Variants in SETDB2 observed in about 807,000 individuals in gnomAD.
SETDB2 encodes the protein SET domain bifurcated histone lysine methyltransferase 2, also known as histone-lysine N-methyltransferase SETDB2.
In SETDB2, 56 loss-of-function variants were observed where a neutral mutation model predicts 82.5. That is an observed-to-expected ratio of 0.68 (90% CI 0.55 to 0.85). The LOEUF (loss-of-function observed/expected upper bound fraction) is 0.85, where lower values mean the gene tolerates loss of function less well. Among genes scored for constraint, SETDB2 ranks in the 40% least tolerant of loss-of-function variants. The pLI, the probability that SETDB2 is intolerant of heterozygous loss-of-function variation, is 0.00. For missense variants in SETDB2, 677 were observed against 816.4 expected, an observed-to-expected ratio of 0.83 and a Z score of 2.08; for synonymous variants, 272 against 284.9, an observed-to-expected ratio of 0.95 and a Z score of 0.46.
chr13:49,460,316 C>G (rs1190876039), intron 3 of SETDB2, 84 bp downstream of exon 3: 1 of 1,389,392 alleles, frequency 7.2e-7, no homozygotes, highest in African/African-American at 1.5e-5. Flanking sequence ...TCCAATATTG[C>G]TGTTTGTAAA....
At chr13:49,447,138 C>G (rs753827266) in intron 1 of SETDB2, among the ~76,000 whole-genome samples, 2 of 151,942 alleles carry the variant, frequency 1.3e-5, no homozygotes, top group Non-Finnish European at 2.9e-5. Flanking sequence ...GTTTGTTAAC[C>G]TATAATTTAT....
rs917176989 is a variant in SETDB2, at chr13:49,444,538, C to T, written c.-661C>T. 1 of 159,080 alleles carries T rather than the reference C, an allele frequency of 6.3e-6. No homozygotes were observed. Among genetic ancestry groups the T allele is most frequent in the East Asian group, 1.9e-4 (1 of 5,258 alleles). The allele number at this position is 159,080 out of a possible 1,614,324, so 9.9% of individuals were successfully genotyped here. On this transcript the variant is annotated 5_prime_UTR_variant, in exon 1 of 14. Coordinates refer to ENST00000611815, the MANE Select transcript of SETDB2 (RefSeq NM_001160308.3). ...AACCAAGGCACCGCCGTGGCTGGCC[C>T]CCGACAGTTCCTCTAGCCGGGAGGT...
chr13:49,473,575 T>G (rs1476133487), intron 5 of SETDB2, among the ~76,000 whole-genome samples: 1 of 145,104 alleles, frequency 6.9e-6, no homozygotes, highest in East Asian at 2.2e-4. Flanking sequence ...AAAAAAAAAT[T>G]CATAGGCAAA....
At chr13:49,477,934 T>C (rs1958403302) in intron 6 of SETDB2, among the ~76,000 whole-genome samples, 1 of 152,224 alleles carries the variant, frequency 6.6e-6, no homozygotes, top group Admixed American at 6.5e-5. Context: ...TTCTAATATA[T>C]TAAGACTTTG....
At chr13:49,450,108 C>G (rs886312867) in intron 1 of SETDB2, among the ~76,000 whole-genome samples, 29 of 152,154 alleles carry the variant, frequency 1.9e-4, no homozygotes, top group Non-Finnish European at 8.8e-5. Flanking sequence ...CTGGAAACAT[C>G]TAAGACTTTG....
chr13:49,453,896 A>G (rs1007567374), intron 2 of SETDB2, among the ~76,000 whole-genome samples: 6 of 152,112 alleles, frequency 3.9e-5, no homozygotes, highest in African/African-American at 1.4e-4. Context: ...TAACTTATAT[A>G]TACACAACTC....
chr13:49,485,835 C>A, intron 11 of SETDB2, 112 bp downstream of exon 11: 1 of 1,000,748 alleles, frequency 1.0e-6, no homozygotes, highest in Non-Finnish European at 1.6e-6. Context: ...CTGCATTTGT[C>A]AGAAAGGTTA....
chr13:49,453,675 C>T (rs1278226205), intron 2 of SETDB2, among the ~76,000 whole-genome samples: 1 of 152,046 alleles, frequency 6.6e-6, no homozygotes, highest in African/African-American at 2.4e-5. Flanking sequence ...ATAGCACTTC[C>T]CTTTTGGCAC....
At chr13:49,488,245 T>C (rs776575947) in intron 11 of SETDB2, 45 bp from the exon 12 acceptor site, 1 of 1,524,574 alleles carries the variant, frequency 6.6e-7, no homozygotes, top group Admixed American at 2.3e-5. Context: ...GCACTATTGC[T>C]CAGCAAGTAT....
intron 6 of SETDB2, 27 bp downstream of exon 6, chr13:49,477,066 A>T: frequency 6.5e-7 from 1 of 1,531,356 alleles, no homozygotes; most frequent in African/African-American, 1.4e-5. Context: ...GGCGTTTCAA[A>T]AAAATCTTCT....
At chr13:49,484,945 A>G (rs1413404490) in intron 10 of SETDB2, among the ~76,000 whole-genome samples, 1 of 152,228 alleles carries the variant, frequency 6.6e-6, no homozygotes, top group Non-Finnish European at 1.5e-5. Context: ...ATCTCCATAC[A>G]TACATTTCTT....
Position 49,480,230 on chromosome 13 carries a change from C to A in SETDB2, c.881C>A (p.Ala294Glu). 1 of 1,605,136 alleles carries A rather than the reference C, an allele frequency of 6.2e-7. No individual in the cohort carries two copies. The highest frequency in any genetic ancestry group is 8.5e-7 in the Non-Finnish European group (1 of 1,177,132). ...TGCCTGCCTTTTAGAACAAAATGTG[C>A]ATGTCTTCAACTGACAGCAAGGAAT... ...SEGCIDITKCACLQLTARNAK... is the reference protein window; with the variant it reads ...SEGCIDITKCECLQLTARNAK... Residue 294 changes from alanine to glutamate, a missense_variant, in exon 7 of 14, where the codon GCA becomes GAA. Transcript: ENST00000611815.
At position 49,454,788 on chromosome 13, in the gene SETDB2, A is replaced by G. The variant is rs140049643; in HGVS notation, c.16+2879A>G. On this transcript the variant is annotated intron_variant, in intron 2 of 13. Transcript: ENST00000611815. ...ATACACAATAGTTTCGGTGCCTTTA[A>G]CATAGTTGTAATGTATGGATTGTTA... Among the ~76,000 whole-genome samples the G allele has an allele frequency of 1.4e-4, 21 of 152,274 alleles. No individual in the cohort carries two copies. The East Asian group carries it at 2.1e-3, about 15-fold the overall frequency.
Position 49,488,458 on chromosome 13 carries a change from A to G in SETDB2, c.1745A>G (p.Gln582Arg), listed in dbSNP as rs1958638982. The G allele has an allele frequency of 1.2e-6, 2 of 1,614,132 alleles. No homozygotes were observed. Among genetic ancestry groups the G allele is most frequent in the Admixed American group, 3.3e-5 (2 of 60,026 alleles). Reference protein sequence around the residue: ...NIKKAIEVQIQKPQEGRSTAC... With the variant: ...NIKKAIEVQIRKPQEGRSTAC... ...AAAAAGGCAATTGAGGTTCAAATTC[A>G]GAAACCCCAAGAGGGACGATCTACA... The change falls in exon 12 of 14, where the codon CAG becomes CGG. Residue 582 changes from glutamine to arginine, a missense_variant. Gln to Arg is a conservative substitution (Grantham distance 43). Coordinates refer to ENST00000611815, the MANE Select transcript of SETDB2 (RefSeq NM_001160308.3).
chr13:49,481,224 C>A, intron 8 of SETDB2, 108 bp downstream of exon 8: 1 of 977,004 alleles, frequency 1.0e-6, no homozygotes, highest in Non-Finnish European at 1.5e-6. Flanking sequence ...TAAAGAGTAA[C>A]AGTATCTAAG....
chr13:49,465,083 A>G (rs1384155273), intron 4 of SETDB2, among the ~76,000 whole-genome samples: 2 of 152,048 alleles, frequency 1.3e-5, no homozygotes, highest in East Asian at 1.9e-4. Context: ...AAAAAAAAAA[A>G]AAAGTTTCAC....
At chr13:49,483,696 A>C in intron 10 of SETDB2, 133 bp downstream of exon 10, 3 of 431,666 alleles carry the variant, frequency 6.9e-6, no homozygotes, top group Non-Finnish European at 1.2e-5. Context: ...TGGCACAGTC[A>C]CAGCTCACTG....
At chr13:49,478,725 G>C (rs927720248) in intron 6 of SETDB2, among the ~76,000 whole-genome samples, 1 of 152,060 alleles carries the variant, frequency 6.6e-6, no homozygotes, top group Non-Finnish European at 1.5e-5. Context: ...CCAGGAGTTC[G>C]AGACCAGCCT....
intron 6 of SETDB2, 22 bp from the exon 7 acceptor site, chr13:49,480,197 C>T (rs766614525): frequency 1.3e-6 from 2 of 1,489,948 alleles, no homozygotes; most frequent in Non-Finnish European, 1.8e-6. Flanking sequence ...CATTCTTTCT[C>T]CATCCATTGC....
Sources: gnomAD v4.1 joint callset for allele counts (sites outside exome capture counted in the v4.1 genomes callset) on GRCh38, gnomAD v4.1.1 for gene constraint, MANE v1.5 for transcripts, NCBI Gene and HGNC (gene_info 2026-07-23, HGNC 2026-07-21) for gene names.